The following SLC35D4 variants were observed in gnomAD, a reference collection of about 807,000 sequenced individuals.
SLC35D4 encodes UDP-N-acetylglucosamine transporter SLC35D4.
the SLC35D4 span, among the ~76,000 whole-genome samples, chr18:23,430,966 CA>C: frequency 1.3e-5 from 2 of 151,664 alleles, no homozygotes; most frequent in African/African-American, 4.8e-5. Flanking sequence ...CCAGCCTGGC[CA>C]ATATGGTGAA....
At chr18:23,377,615 T>C in the SLC35D4 span, 1 of 1,569,234 alleles carries the variant, frequency 6.4e-7, no homozygotes, top group Non-Finnish European at 8.6e-7. Context: ...TCTTATATTA[T>C]GGCTTTTTGG....
the SLC35D4 span, among the ~76,000 whole-genome samples, chr18:23,304,361 TTA>T: frequency 8.2e-5 from 12 of 146,064 alleles, no homozygotes; most frequent in East Asian, 2.0e-4. Context: ...TCTCAAGAAT[TTA>T]TATATATATA....
the SLC35D4 span, among the ~76,000 whole-genome samples, chr18:23,345,114 G>A: frequency 1.1e-4 from 16 of 152,108 alleles, no homozygotes; most frequent in South Asian, 4.2e-4. Flanking sequence ...TAATGATGGC[G>A]AGCAAGGATC....
chr18:23,247,996 A>AT, the SLC35D4 span, among the ~76,000 whole-genome samples: 4 of 152,186 alleles, frequency 2.6e-5, no homozygotes, highest in African/African-American at 9.6e-5. Flanking sequence ...CTCTGTCAGG[A>AT]AACGGAGTCC....
chr18:23,371,296 G>T, the SLC35D4 span: 6 of 685,880 alleles, frequency 8.7e-6, no homozygotes, highest in Non-Finnish European at 1.4e-5. Flanking sequence ...GGTTTCTCAA[G>T]GTTGCCCAGG....
chr18:23,436,325 G>T, the SLC35D4 span, among the ~76,000 whole-genome samples: 1 of 164 alleles, frequency 6.1e-3, no homozygotes, highest in East Asian at 0.062. Context: ...ACCACGCCCG[G>T]GCCACAACAA....
At chr18:23,342,175 T>C in the SLC35D4 span, among the ~76,000 whole-genome samples, 3 of 152,330 alleles carry the variant, frequency 2.0e-5, no homozygotes, top group African/African-American at 7.2e-5. Flanking sequence ...ATCACCACAA[T>C]CCAGTTTGAA....
At chr18:23,285,796 G>A in the SLC35D4 span, among the ~76,000 whole-genome samples, 8 of 152,014 alleles carry the variant, frequency 5.3e-5, no homozygotes, top group Non-Finnish European at 1.0e-4. Flanking sequence ...CACCGGGTCC[G>A]GCTTACGGTT....
chr18:23,296,511 T>C, the SLC35D4 span: 1 of 152,330 alleles, frequency 6.6e-6, no homozygotes, highest in East Asian at 1.9e-4. Flanking sequence ...TTTCACCATG[T>C]TGGCCAGGTT....
the SLC35D4 span, among the ~76,000 whole-genome samples, chr18:23,381,671 C>T: frequency 0.44 from 67,108 of 152,028 alleles, 15,243 homozygotes; most frequent in Non-Finnish European, 0.49. Context: ...GAAATGGAGT[C>T]GAAGATGCAA....
the SLC35D4 span, among the ~76,000 whole-genome samples, chr18:23,262,709 G>A: frequency 6.6e-6 from 1 of 152,218 alleles, no homozygotes; most frequent in Non-Finnish European, 1.5e-5. Context: ...GTGGGCCCAG[G>A]GTTGGCCAAG....
At chr18:23,258,988 A>C in the SLC35D4 span, 1 of 125,452 alleles carries the variant, frequency 8.0e-6, no homozygotes, top group African/African-American at 3.1e-5. Context: ...TAAGACAGTG[A>C]TTTGGGTGGT....
chr18:23,249,670 C>T, the SLC35D4 span, among the ~76,000 whole-genome samples: 6 of 152,156 alleles, frequency 3.9e-5, no homozygotes, highest in Admixed American at 3.3e-4. Context: ...CATCTCATCT[C>T]GTTTTGGAGG....
the SLC35D4 span, among the ~76,000 whole-genome samples, chr18:23,377,411 AC>A: frequency 6.6e-6 from 1 of 152,238 alleles, no homozygotes; most frequent in Non-Finnish European, 1.5e-5. Context: ...GGCATCAATG[AC>A]TGAAATCTAG....
chr18:23,281,491 T>TTTA, the SLC35D4 span, among the ~76,000 whole-genome samples: 1 of 151,878 alleles, frequency 6.6e-6, no homozygotes, highest in African/African-American at 2.4e-5. Context: ...CCCAACTAAT[T>TTTA]TTTTTATTTT....
the SLC35D4 span, among the ~76,000 whole-genome samples, chr18:23,374,738 G>A: frequency 6.6e-6 from 1 of 152,068 alleles, no homozygotes; most frequent in Admixed American, 6.5e-5. Context: ...GCCTGCCTCG[G>A]CCTCCCAAAG....
chr18:23,354,434 T>C, the SLC35D4 span, among the ~76,000 whole-genome samples: 1 of 142,942 alleles, frequency 7.0e-6, no homozygotes, highest in South Asian at 2.2e-4. Context: ...GGCAGGAGAA[T>C]GGGTGAACCC....
At chr18:23,281,779 A>G in the SLC35D4 span, among the ~76,000 whole-genome samples, 3 of 152,186 alleles carry the variant, frequency 2.0e-5, no homozygotes, top group Non-Finnish European at 4.4e-5. Flanking sequence ...CTCGAGGACA[A>G]CTCAGTGCAA....
chr18:23,309,778 C>A, the SLC35D4 span: 3 of 1,596,510 alleles, frequency 1.9e-6, no homozygotes, highest in Non-Finnish European at 2.6e-6. Flanking sequence ...GGTCATCATA[C>A]CAGCAGGGCT....
Sources: gnomAD v4.1 joint callset for allele counts (sites outside exome capture counted in the v4.1 genomes callset) on GRCh38, gnomAD v4.1.1 for gene constraint, MANE v1.5 for transcripts, NCBI Gene and HGNC (gene_info 2026-07-23, HGNC 2026-07-21) for gene names.